CCDC158: variants seen among roughly 807,000 people sequenced by gnomAD.
CCDC158 encodes the protein coiled-coil domain-containing protein 158.
A neutral mutation model predicts 138.6 loss-of-function variants in CCDC158; 116 were observed. The ratio of observed to expected loss-of-function variants is 0.84; its 90% CI spans 0.72 to 0.98. The LOEUF (loss-of-function observed/expected upper bound fraction) is 0.98, where lower values mean the gene tolerates loss of function less well. Ranked by LOEUF, CCDC158 falls within the 50% of genes least tolerant of loss-of-function variation. CCDC158 has a pLI of 0.00. For missense variants in CCDC158, 1,265 were observed against 1,306.1 expected (o/e 0.97, Z 0.48); for synonymous variants, 436 against 442.4 (o/e 0.99, Z 0.18).
chr4:76,384,961 A>G (rs964828398), intron 4 of CCDC158, among the ~76,000 whole-genome samples: 1 of 152,218 alleles, frequency 6.6e-6, no homozygotes, highest in African/African-American at 2.4e-5. Context: ...TTTTTACATG[A>G]AAACATGAGA....
intron 13 of CCDC158, among the ~76,000 whole-genome samples, chr4:76,359,217 C>T (rs1367111631): frequency 2.0e-5 from 3 of 152,182 alleles, no homozygotes; most frequent in Non-Finnish European, 4.4e-5. Context: ...GCCTGCAGAA[C>T]TGTGAGTCAA....
At chr4:76,411,621 C>T (rs1003504713) in intron 2 of CCDC158, among the ~76,000 whole-genome samples, 13 of 152,136 alleles carry the variant, frequency 8.5e-5, no homozygotes, top group African/African-American at 2.9e-4. Context: ...TTCACCCATA[C>T]ATAATACCAT....
intron 24 of CCDC158, among the ~76,000 whole-genome samples, chr4:76,315,271 G>A (rs1035195513): frequency 2.0e-5 from 3 of 152,118 alleles, no homozygotes; most frequent in African/African-American, 7.2e-5. Flanking sequence ...CCTACACAAG[G>A]AGAGTCTGAG....
intron 24 of CCDC158, among the ~76,000 whole-genome samples, chr4:76,313,872 C>T (rs559573222): frequency 1.3e-5 from 2 of 152,150 alleles, no homozygotes; most frequent in Non-Finnish European, 2.9e-5. Context: ...CAATAAGTTT[C>T]CAGTTCAGCT....
chr4:76,326,176 G>T (rs1344295052), intron 22 of CCDC158, among the ~76,000 whole-genome samples, 161 bp from the exon 23 acceptor site: 1 of 152,076 alleles, frequency 6.6e-6, no homozygotes, highest in African/African-American at 2.4e-5. Context: ...AACTGAAAAG[G>T]GTTACGCCTT....
rs190586611 is a variant in CCDC158, at chr4:76,352,046, A to G, written c.2446-234T>C. The G allele has an allele frequency of 2.7e-3, 995 of 369,394 alleles. 4 individuals carry two copies. The highest frequency in any genetic ancestry group is 3.4e-3 in the Non-Finnish European group (708 of 206,154). 22.9% of individuals were successfully genotyped at this position (369,394 alleles called of 1,614,324 possible). ...GTAACTTTTAGTATGTGAAGGGCAA[A>G]CAATGAATGAACTAAGGATGGAATG... On this transcript the variant is annotated intron_variant, in intron 16 of 24. Transcript: ENST00000682701.
intron 1 of CCDC158, among the ~76,000 whole-genome samples, chr4:76,417,637 C>T (rs1267532645): frequency 6.6e-6 from 1 of 152,154 alleles, no homozygotes; most frequent in African/African-American, 2.4e-5. Context: ...GCCTTCCCAG[C>T]CATGTGGAAC....
At position 76,313,080 on chromosome 4, in the gene CCDC158, T is replaced by C; in HGVS notation, c.*90A>G. ...GGGTATCTTTTATTAAATTTTCACA[T>C]AAAAAGAAAAAGTACACAGGGCACT... is the stretch of plus-strand genomic sequence containing the variant. On this transcript the variant is annotated 3_prime_UTR_variant, in exon 25 of 25. Transcript: ENST00000682701. 8.2e-6 allele frequency: 6 copies of C among 731,414 alleles called. No individual in the cohort carries two copies. Among genetic ancestry groups the C allele is most frequent in the Non-Finnish European group, 1.3e-5 (6 of 455,814 alleles). 45.3% of individuals were successfully genotyped at this position (731,414 alleles called of 1,614,324 possible).
intron 2 of CCDC158, among the ~76,000 whole-genome samples, chr4:76,407,745 A>G (rs572086342): frequency 3.3e-5 from 5 of 152,316 alleles, no homozygotes; most frequent in Admixed American, 3.3e-4. Context: ...ACTATCAAAG[A>G]CTTTAGTATT....
intron 24 of CCDC158, among the ~76,000 whole-genome samples, chr4:76,317,190 G>T (rs1442885447): frequency 6.6e-6 from 1 of 152,028 alleles, no homozygotes; most frequent in Non-Finnish European, 1.5e-5. Context: ...CGGAATGGCA[G>T]AAAGGATAAA....
intron 2 of CCDC158, among the ~76,000 whole-genome samples, chr4:76,410,227 C>T (rs1729185848): frequency 6.6e-6 from 1 of 152,146 alleles, no homozygotes; most frequent in Non-Finnish European, 1.5e-5. Context: ...CTCTGTCGTC[C>T]AGGCTGGAGT....
At chr4:76,321,052 A>G (rs528522764) in intron 24 of CCDC158, among the ~76,000 whole-genome samples, 1 of 152,320 alleles carries the variant, frequency 6.6e-6, no homozygotes, top group South Asian at 2.1e-4. Flanking sequence ...AAGGAACTCA[A>G]TCGAATCAGC....
intron 2 of CCDC158, among the ~76,000 whole-genome samples, chr4:76,406,873 A>G (rs1268039886): frequency 6.6e-6 from 1 of 152,176 alleles, no homozygotes; most frequent in East Asian, 1.9e-4. Flanking sequence ...ATCAATAAAA[A>G]TGAAATAATA....
chr4:76,397,915 G>A (rs1727975896), intron 3 of CCDC158, among the ~76,000 whole-genome samples: 1 of 152,156 alleles, frequency 6.6e-6, no homozygotes, highest in African/African-American at 2.4e-5. Context: ...AGGTCTGAGG[G>A]AACAGGCAAA....
intron 18 of CCDC158, among the ~76,000 whole-genome samples, chr4:76,341,972 C>T (rs1445516269): frequency 6.6e-6 from 1 of 152,148 alleles, no homozygotes; most frequent in Non-Finnish European, 1.5e-5. Flanking sequence ...AAACATCAAT[C>T]AGCTGTATAA....
At chr4:76,401,164 G>T in intron 3 of CCDC158, 1 of 282,652 alleles carries the variant, frequency 3.5e-6, no homozygotes, top group South Asian at 3.6e-5. Context: ...GAAAATAGGT[G>T]TACTCTAGGA....
chr4:76,343,346 T>C (rs1012511796), intron 18 of CCDC158, among the ~76,000 whole-genome samples: 1 of 152,184 alleles, frequency 6.6e-6, no homozygotes, highest in Non-Finnish European at 1.5e-5. Context: ...CAACCTTACA[T>C]AAAGCTTTGG....
At chr4:76,351,211 G>A in intron 17 of CCDC158, 90 bp from the exon 18 acceptor site, 1 of 1,240,926 alleles carries the variant, frequency 8.1e-7, no homozygotes, top group Non-Finnish European at 1.1e-6. Context: ...GATTTCACAG[G>A]CAAAATCCAT....
At chr4:76,393,464 C>T (rs1727491468) in intron 4 of CCDC158, among the ~76,000 whole-genome samples, 1 of 152,028 alleles carries the variant, frequency 6.6e-6, no homozygotes, top group African/African-American at 2.4e-5. Context: ...CTATCTCTCA[C>T]CATATTTAAA....
Sources: allele counts gnomAD v4.1 joint callset (sites outside exome capture counted in the v4.1 genomes callset), GRCh38; gene constraint gnomAD v4.1.1; transcripts MANE v1.5; gene names NCBI Gene and HGNC (gene_info 2026-07-23, HGNC 2026-07-21).